Variants in TMEM164 observed in about 807,000 individuals in gnomAD.
TMEM164 encodes the protein transmembrane protein 164, also known as RP13-360B22.2.
TMEM164 carries 4 observed loss-of-function variants against 18.8 expected under a neutral mutation model. That is an observed-to-expected ratio of 0.21 (90% CI 0.10 to 0.49). TMEM164 has a LOEUF of 0.49. Among genes scored for constraint, TMEM164 ranks in the 20% least tolerant of loss-of-function variants. The pLI is 0.98. For missense variants in TMEM164, 108 were observed against 239.9 expected, an observed-to-expected ratio of 0.45 and a Z score of 3.63; for synonymous variants, 86 against 101.7, an observed-to-expected ratio of 0.85 and a Z score of 0.93.
At chrX:110,042,874 G>A (rs754897633) in intron 2 of TMEM164, among the ~76,000 whole-genome samples, 1 of 112,326 alleles carries the variant, frequency 8.9e-6, no homozygotes, top group African/African-American at 3.2e-5. Flanking sequence ...AAAAAACTGG[G>A]TTTTTGTTGC....
downstream of TMEM164, among the ~76,000 whole-genome samples, chrX:110,182,060 G>C (rs1276631331): frequency 9.0e-6 from 1 of 111,227 alleles, no homozygotes; most frequent in African/African-American, 3.3e-5. Flanking sequence ...AAATTGGAAT[G>C]CATCTTAAAA....
intron 4 of TMEM164, among the ~76,000 whole-genome samples, chrX:110,116,295 C>T (rs73636946): frequency 0.057 from 6,366 of 112,013 alleles, 413 homozygotes; most frequent in African/African-American, 0.18. Flanking sequence ...TCAGATTAAA[C>T]GACTTGCTCA....
At chrX:110,159,195 G>A (rs1348663611) in intron 5 of TMEM164, among the ~76,000 whole-genome samples, 1 of 110,864 alleles carries the variant, frequency 9.0e-6, no homozygotes, top group Admixed American at 9.7e-5. Flanking sequence ...GGGGAGAGGG[G>A]GATGAAGAGT....
chrX:110,004,297 T>G, intron 2 of TMEM164, 133 bp downstream of exon 2: 3 of 794,564 alleles, frequency 3.8e-6, no homozygotes, highest in Non-Finnish European at 5.3e-6. Flanking sequence ...AACGAGTGGC[T>G]GCCTTTGTGC....
chrX:110,004,178 CTT>C lies in TMEM164; in HGVS notation c.390+18_390+19del, dbSNP rs1439681264. The C allele has an allele frequency of 8.5e-7, 1 of 1,182,199 alleles. No individual in the cohort carries two copies. The highest frequency in any genetic ancestry group is 1.9e-5 in the South Asian group (1 of 53,223). On this transcript the variant is annotated intron_variant, in intron 2 of 6. Transcript: ENST00000372068. The stretch of plus-strand genomic sequence containing the variant: ...ACCATGATGCATGTGAGTCTGTTGA[CTT>C]TTTCCTGGGCATCCTAAGTGATAAG...
At chrX:110,082,455 A>G (rs1441042542) in intron 3 of TMEM164, among the ~76,000 whole-genome samples, 1 of 111,882 alleles carries the variant, frequency 8.9e-6, no homozygotes, top group Non-Finnish European at 1.9e-5. Flanking sequence ...GCTATCTACC[A>G]GTGCCGTTGA....
At chrX:110,045,310 GA>G (rs1228070097) in intron 2 of TMEM164, among the ~76,000 whole-genome samples, 1 of 111,950 alleles carries the variant, frequency 8.9e-6, no homozygotes, top group African/African-American at 3.3e-5. Context: ...CCAGTTTAAA[GA>G]AGTTAATTTA....
chrX:110,140,494 C>T (rs1431770321), intron 4 of TMEM164, among the ~76,000 whole-genome samples: 4 of 111,335 alleles, frequency 3.6e-5, no homozygotes, highest in African/African-American at 1.3e-4. Flanking sequence ...GTGGTGGGAT[C>T]AGTGGTCTCC....
chrX:110,030,910 A>G (rs1255368097), intron 2 of TMEM164, among the ~76,000 whole-genome samples: 2 of 111,882 alleles, frequency 1.8e-5, no homozygotes, highest in African/African-American at 6.5e-5. Flanking sequence ...AAAAATTTTA[A>G]AATTTTTTAT....
chrX:110,034,163 T>C (rs760816036), intron 2 of TMEM164, among the ~76,000 whole-genome samples: 1 of 111,880 alleles, frequency 8.9e-6, no homozygotes, highest in Non-Finnish European at 1.9e-5. Context: ...TGGCATATAG[T>C]TTAAATTTCA....
At chrX:110,063,451 A>G (rs1176372976) in intron 2 of TMEM164, among the ~76,000 whole-genome samples, 2 of 111,777 alleles carry the variant, frequency 1.8e-5, no homozygotes, top group Admixed American at 1.9e-4. Flanking sequence ...GGGAACAGGA[A>G]TGGGAAGCAG....
intron 2 of TMEM164, among the ~76,000 whole-genome samples, chrX:110,019,643 C>A (rs746269388): frequency 8.9e-6 from 1 of 112,062 alleles, no homozygotes; most frequent in South Asian, 3.7e-4. Flanking sequence ...TTTATATTGT[C>A]CCTGGCCGAC....
At chrX:110,087,101 A>G (rs2065864583) in intron 3 of TMEM164, among the ~76,000 whole-genome samples, 1 of 112,107 alleles carries the variant, frequency 8.9e-6, no homozygotes, top group Non-Finnish European at 1.9e-5. Flanking sequence ...TTTTGCTTGT[A>G]GTACAAATGG....
In TMEM164 at chrX:110,144,825, A is replaced by C. The variant is rs2066829043; in HGVS notation, c.535A>C (p.Ile179Leu). ...LLPFELEIYYIQHVMLYVVPI... is the reference protein window; with the variant it reads ...LLPFELEIYYLQHVMLYVVPI... ...CCCCTTTGAATTGGAGATTTACTAC[A>C]TTCAGCATGTTATGCTCTACGTGGT... The change falls in exon 5 of 7, where the codon ATT becomes CTT. Residue 179 changes from isoleucine (I) to leucine (L), a missense_variant. Ile to Leu is a conservative substitution (Grantham distance 5, BLOSUM62 2). Coordinates refer to ENST00000372068, the MANE Select transcript of TMEM164 (RefSeq NM_032227.4). 1 of 1,208,543 alleles carries C rather than the reference A, an allele frequency of 8.3e-7. No individual in the cohort carries two copies. The highest frequency in any genetic ancestry group is 1.7e-5 in the African/African-American group (1 of 57,567).
intron 2 of TMEM164, among the ~76,000 whole-genome samples, chrX:110,008,371 T>C (rs895184682): frequency 2.7e-5 from 3 of 111,993 alleles, no homozygotes; most frequent in African/African-American, 9.7e-5. Flanking sequence ...ATTCTCCATC[T>C]GTTGTCTGGA....
intron 3 of TMEM164, among the ~76,000 whole-genome samples, chrX:110,106,560 G>A (rs898928506): frequency 3.6e-5 from 4 of 110,877 alleles, no homozygotes; most frequent in Non-Finnish European, 7.6e-5. Context: ...TTTTAGTAGA[G>A]ACGGGGTTTC....
Position 110,139,082 on chromosome X carries a change from G to C in TMEM164, c.508-5716G>C, listed in dbSNP as rs55933662. ...GGAAAGCAGAGAAATAGAGGTGGAAGCTCCATTACTACCACAAATGGAAGT... is the reference window on the plus strand; with the variant it reads ...GGAAAGCAGAGAAATAGAGGTGGAACCTCCATTACTACCACAAATGGAAGT... On this transcript the variant is annotated intron_variant, in intron 4 of 6. Transcript: ENST00000372068. Among the ~76,000 whole-genome samples the C allele has an allele frequency of 6.0e-3, 675 of 112,646 alleles. 3 individuals carry two copies. Among genetic ancestry groups the C allele is most frequent in the South Asian group, 0.027 (74 of 2,753 alleles).
At chrX:110,076,552 C>T (rs1490658868) in intron 3 of TMEM164, among the ~76,000 whole-genome samples, 2 of 111,179 alleles carry the variant, frequency 1.8e-5, no homozygotes, top group Non-Finnish European at 3.8e-5. Context: ...CCTCTAGACA[C>T]AACTTCAGCT....
rs559593443 is a variant in TMEM164 at position 110,032,175 on chromosome X, A to C, written c.390+28011A>C. Among the ~76,000 whole-genome samples, 6 of 112,073 alleles carry C rather than the reference A, an allele frequency of 5.4e-5. No homozygotes were observed. The South Asian group carries it at 2.2e-3, about 41-fold the overall frequency. On this transcript the variant is annotated intron_variant, in intron 2 of 6. Transcript: ENST00000372068. The stretch of plus-strand genomic sequence containing the variant: ...AATGGGTAAATATAAGGCAGAAAAT[A>C]ATATTTTAGGTACACACATCCTGAT...
Sources: allele counts gnomAD v4.1 joint callset (sites outside exome capture counted in the v4.1 genomes callset), GRCh38; gene constraint gnomAD v4.1.1; transcripts MANE v1.5; gene names NCBI Gene and HGNC (gene_info 2026-07-23, HGNC 2026-07-21).